Variants in CNR2 observed in about 807,000 individuals in gnomAD.
The protein encoded by CNR2 is cannabinoid receptor 2 (macrophage).
For synonymous variants in CNR2, 172 were observed against 182.2 expected, an observed-to-expected ratio of 0.94 and a Z score of 0.45; for missense variants, 379 against 439.9, an observed-to-expected ratio of 0.86 and a Z score of 1.24.
At position 23,891,795 on chromosome 1, in the gene CNR2, G is replaced by A. The variant is rs150402733; in HGVS notation, c.-45-16133C>T. 3.9e-3 allele frequency among the ~76,000 whole-genome samples: 597 copies of A among 152,162 alleles called. 4 individuals carry two copies. The highest frequency in any genetic ancestry group is 0.014 in the African/African-American group (566 of 41,510). ...CCACATCTTGCTTCCTGGATTGTGAGCTCCTTGTCTTGTGAGTAATATCTG... is the reference window on the plus strand; with the variant it reads ...CCACATCTTGCTTCCTGGATTGTGAACTCCTTGTCTTGTGAGTAATATCTG... On this transcript the variant is annotated intron_variant, in intron 1 of 1. Transcript: ENST00000374472.
intron 1 of CNR2, among the ~76,000 whole-genome samples, chr1:23,910,835 TTGA>T (rs1191885452): frequency 1.3e-5 from 2 of 152,042 alleles, no homozygotes; most frequent in East Asian, 3.9e-4. Context: ...GCCTGAGTAA[TTGA>T]TGAGGGAGAC....
At chr1:23,880,585 G>A (rs1219302345) in intron 1 of CNR2, among the ~76,000 whole-genome samples, 1 of 151,564 alleles carries the variant, frequency 6.6e-6, no homozygotes, top group Non-Finnish European at 1.5e-5. Flanking sequence ...ATTTTTTTGA[G>A]ATGGAGTTTC....
intron 1 of CNR2, among the ~76,000 whole-genome samples, chr1:23,896,798 G>C (rs371983784): frequency 2.0e-5 from 3 of 152,130 alleles, no homozygotes; most frequent in East Asian, 3.9e-4. Flanking sequence ...AAGGATGCTG[G>C]TTCCAGTCCC....
Position 23,870,669 on chromosome 1 carries a change from T to A in CNR2, c.*3866A>T, listed in dbSNP as rs571770823. ...ACAGGTGAGAGGCACTGATGTAGAG[T>A]GGACAGAACTGGAAGTTAGGAAACC... On this transcript the variant is annotated 3_prime_UTR_variant, in exon 2 of 2. Transcript: ENST00000374472. 2.0e-5 allele frequency: 3 copies of A among 152,148 alleles called. No individual in the cohort carries two copies. Among genetic ancestry groups the A allele is most frequent in the Non-Finnish European group, 2.9e-5 (2 of 68,006 alleles). The allele number at this position is 152,148 out of a possible 1,614,324, so 9.4% of individuals were successfully genotyped here. A position where few individuals can be genotyped will look rare whatever the true frequency, so the allele number is the denominator to read the frequency against.
intron 1 of CNR2, among the ~76,000 whole-genome samples, chr1:23,912,226 C>T (rs1036515773): frequency 9.2e-5 from 14 of 152,308 alleles, no homozygotes; most frequent in South Asian, 8.3e-4. Context: ...CAGACCTGGA[C>T]GCTGACCCCA....
intron 1 of CNR2, among the ~76,000 whole-genome samples, chr1:23,884,733 T>A (rs1261150278): frequency 6.6e-6 from 1 of 152,280 alleles, no homozygotes; most frequent in African/African-American, 2.4e-5. Context: ...AGGTCAGAAC[T>A]AAGGCTTTAT....
chr1:23,902,969 G>T (rs1186924855), intron 1 of CNR2, among the ~76,000 whole-genome samples: 1 of 151,490 alleles, frequency 6.6e-6, no homozygotes, highest in Non-Finnish European at 1.5e-5. Flanking sequence ...CCCCCGCCCC[G>T]CGCCCTCGCG....
chr1:23,900,625 G>A (rs986475062), intron 1 of CNR2, among the ~76,000 whole-genome samples: 3 of 150,576 alleles, frequency 2.0e-5, no homozygotes, highest in Non-Finnish European at 2.9e-5. Flanking sequence ...TCTTGCCTCA[G>A]CCTCCCAAGT....
chr1:23,888,789 G>T (rs544289372), intron 1 of CNR2, among the ~76,000 whole-genome samples: 1 of 151,974 alleles, frequency 6.6e-6, no homozygotes, highest in Non-Finnish European at 1.5e-5. Flanking sequence ...TGGCCAACAC[G>T]GTGAAACCCT....
intron 1 of CNR2, chr1:23,902,411 G>A: frequency 3.8e-6 from 6 of 1,586,366 alleles, no homozygotes; most frequent in Admixed American, 3.4e-5. Context: ...GAAAGTTGAC[G>A]CAGGCTTTTG....
At chr1:23,886,994 C>T (rs1640103993) in intron 1 of CNR2, among the ~76,000 whole-genome samples, 1 of 152,176 alleles carries the variant, frequency 6.6e-6, no homozygotes, top group South Asian at 2.1e-4. Context: ...CAACTTGTGC[C>T]TCCCGGGTTC....
Position 23,874,389 on chromosome 1 carries a change from A to T in CNR2, c.*146T>A. On this transcript the variant is annotated 3_prime_UTR_variant, in exon 2 of 2. Transcript: ENST00000374472. ...AAGGCCAGGCTGTCTTCCAGGAGTC[A>T]GTCCCAACACTCATCAGCAAAAAGG... is the stretch of plus-strand genomic sequence containing the variant. 1 of 868,872 alleles carries T rather than the reference A, an allele frequency of 1.2e-6. No individual in the cohort carries two copies. The highest frequency in any genetic ancestry group is 1.8e-6 in the Non-Finnish European group (1 of 566,270). 53.8% of individuals were successfully genotyped at this position (868,872 alleles called of 1,614,324 possible). A position where few individuals can be genotyped will look rare whatever the true frequency, so the allele number is the denominator to read the frequency against.
intron 1 of CNR2, among the ~76,000 whole-genome samples, chr1:23,899,484 T>C (rs1033042088): frequency 1.3e-5 from 2 of 152,016 alleles, no homozygotes; most frequent in African/African-American, 2.4e-5. Flanking sequence ...GGGGACTAGA[T>C]TGCCTTTGTA....
chr1:23,895,156 G>A (rs912347498), intron 1 of CNR2, among the ~76,000 whole-genome samples: 1 of 144,988 alleles, frequency 6.9e-6, no homozygotes, highest in African/African-American at 2.6e-5. Flanking sequence ...AGGAGGTGGA[G>A]GTTGCAGTGA....
In CNR2 at chr1:23,902,141, G is replaced by C. The variant is rs966213878; in HGVS notation, c.-46+11105C>G. 4.2e-6 allele frequency: 6 copies of C among 1,416,488 alleles called. No individual in the cohort carries two copies. The African/African-American group carries it at 8.4e-5, about 20-fold the overall frequency. 87.7% of individuals were successfully genotyped at this position (1,416,488 alleles called of 1,614,324 possible). On this transcript the variant is annotated intron_variant, in intron 1 of 1. Transcript: ENST00000374472. Reference sequence around the variant, plus strand: ...TGCCTCTTGTTTCGTGGGGTGACTGGCAGCCCCTGCCTCTTGCACTCTGCC... The same window carrying C: ...TGCCTCTTGTTTCGTGGGGTGACTGCCAGCCCCTGCCTCTTGCACTCTGCC...
intron 1 of CNR2, among the ~76,000 whole-genome samples, chr1:23,888,984 AAAT>A (rs1640139629): frequency 6.6e-6 from 1 of 152,058 alleles, no homozygotes; most frequent in Non-Finnish European, 1.5e-5. Context: ...ATAAATAAAT[AAAT>A]AAAGAAGAAG....
intron 1 of CNR2, among the ~76,000 whole-genome samples, chr1:23,888,375 C>T (rs889073651): frequency 7.2e-5 from 11 of 152,102 alleles, no homozygotes; most frequent in South Asian, 4.1e-4. Context: ...AGTAACAATA[C>T]CTATGCCATT....
chr1:23,885,085 C>A (rs1640063785), intron 1 of CNR2, among the ~76,000 whole-genome samples: 1 of 152,088 alleles, frequency 6.6e-6, no homozygotes, highest in African/African-American at 2.4e-5. Flanking sequence ...CAGGCATGAG[C>A]CACCATGCCC....
intron 1 of CNR2, among the ~76,000 whole-genome samples, chr1:23,891,268 A>T (rs1360334263): frequency 2.9e-5 from 4 of 136,610 alleles, no homozygotes; most frequent in Non-Finnish European, 6.5e-5. Context: ...TTTTTTGACC[A>T]AATCTTTTGT....
Sources: allele counts gnomAD v4.1 joint callset (sites outside exome capture counted in the v4.1 genomes callset), GRCh38; gene constraint gnomAD v4.1.1; transcripts MANE v1.5; gene names NCBI Gene and HGNC (gene_info 2026-07-23, HGNC 2026-07-21).